Variants in ADAMTS16 observed in about 807,000 individuals in gnomAD.
ADAMTS16 encodes ADAM metallopeptidase with thrombospondin type 1 motif 16, also known as A disintegrin and metalloproteinase with thrombospondin motifs 16.
ADAMTS16 carries 94 observed loss-of-function variants against 145.8 expected under a neutral mutation model. The observed-to-expected ratio is 0.64, with a 90% CI of 0.55 to 0.77. ADAMTS16 has a LOEUF of 0.77. Ranked by LOEUF, ADAMTS16 falls within the 30% of genes least tolerant of loss-of-function variation. The pLI is 0.00. For missense variants in ADAMTS16, 1,585 were observed against 1,591.5 expected, an observed-to-expected ratio of 1.00 and a Z score of 0.07; for synonymous variants, 659 against 604.3, an observed-to-expected ratio of 1.09 and a Z score of -1.33.
At chr5:5,155,821 C>T (rs1036416408) in intron 3 of ADAMTS16, among the ~76,000 whole-genome samples, 4 of 151,912 alleles carry the variant, frequency 2.6e-5, no homozygotes, top group Non-Finnish European at 5.9e-5. Flanking sequence ...AGAAAGTCCA[C>T]AGGAGCTGAC....
At chr5:5,257,827 C>T (rs192364322) in intron 17 of ADAMTS16, among the ~76,000 whole-genome samples, 218 of 152,298 alleles carry the variant, frequency 1.4e-3, no homozygotes, top group Middle Eastern at 3.4e-3. Flanking sequence ...TTCCTCCCCT[C>T]AGATGCCAGT....
At chr5:5,282,082 C>G (rs1160573882) in intron 18 of ADAMTS16, among the ~76,000 whole-genome samples, 1 of 151,012 alleles carries the variant, frequency 6.6e-6, no homozygotes. Context: ...GCCTCCGACC[C>G]TCATGAGTGG....
intron 3 of ADAMTS16, among the ~76,000 whole-genome samples, chr5:5,180,134 C>T (rs916189580): frequency 6.6e-6 from 1 of 152,154 alleles, no homozygotes; most frequent in African/African-American, 2.4e-5. Flanking sequence ...AAGTAAGAAT[C>T]AGACCCAGGC....
chr5:5,295,204 T>C (rs1739483277), intron 18 of ADAMTS16, among the ~76,000 whole-genome samples: 1 of 152,340 alleles, frequency 6.6e-6, no homozygotes, highest in South Asian at 2.1e-4. Context: ...TAAAGAAGGA[T>C]GAAACTTGTC....
intron 18 of ADAMTS16, among the ~76,000 whole-genome samples, chr5:5,276,887 A>AG (rs397936560): frequency 4.0e-4 from 61 of 151,738 alleles, no homozygotes; most frequent in African/African-American, 1.4e-3. Flanking sequence ...GAAAAAAAAA[A>AG]TCTTCATTAA....
At chr5:5,318,917 G>A (rs555901712) in intron 22 of ADAMTS16, 106 bp from the exon 23 acceptor site, 33 of 799,796 alleles carry the variant, frequency 4.1e-5, no homozygotes, top group South Asian at 1.6e-4. Flanking sequence ...TGCAGCAGCC[G>A]CAGAGCGTGA....
At chr5:5,257,369 C>A (rs1430060358) in intron 17 of ADAMTS16, among the ~76,000 whole-genome samples, 2 of 152,124 alleles carry the variant, frequency 1.3e-5, no homozygotes, top group African/African-American at 2.4e-5. Context: ...GAAATTATAA[C>A]AATGAATAAC....
intron 18 of ADAMTS16, among the ~76,000 whole-genome samples, chr5:5,271,619 C>T (rs145878167): frequency 1.3e-5 from 2 of 152,326 alleles, no homozygotes; most frequent in Non-Finnish European, 2.9e-5. Context: ...CTCTTCGGGT[C>T]ATTCATCTTA....
At chr5:5,230,126 G>C (rs1289094850) in intron 11 of ADAMTS16, among the ~76,000 whole-genome samples, 1 of 152,130 alleles carries the variant, frequency 6.6e-6, no homozygotes. Context: ...CCCAGGGGAC[G>C]TGTTCAATGG....
intron 13 of ADAMTS16, 97 bp from the exon 14 acceptor site, chr5:5,236,872 T>C (rs947826151): frequency 4.9e-6 from 7 of 1,437,048 alleles, no homozygotes; most frequent in African/African-American, 1.4e-5. Context: ...AGTTATTTTA[T>C]GGGGGAAGAA....
At chr5:5,217,411 G>C (rs995493115) in intron 10 of ADAMTS16, among the ~76,000 whole-genome samples, 12 of 152,306 alleles carry the variant, frequency 7.9e-5, no homozygotes, top group Admixed American at 7.2e-4. Context: ...AGAGTGAACA[G>C]GTCATGAAAT....
rs75750572 is a variant in ADAMTS16 at position 5,177,613 on chromosome 5, G to A, written c.502-4431G>A. Among the ~76,000 whole-genome samples, 938 of 151,456 alleles carry A rather than the reference G, an allele frequency of 6.2e-3. 17 individuals carry two copies. Among genetic ancestry groups the A allele is most frequent in the East Asian group, 0.028 (144 of 5,128 alleles). On this transcript the variant is annotated intron_variant, in intron 3 of 22. Coordinates refer to ENST00000274181, the MANE Select transcript of ADAMTS16 (RefSeq NM_139056.4). ...TGGCTTTTGGTGTAGATTCATATTTGGCTCTGAGGTTATAAGAAAATAAAA... is the reference window on the plus strand; with the variant it reads ...TGGCTTTTGGTGTAGATTCATATTTAGCTCTGAGGTTATAAGAAAATAAAA...
At chr5:5,234,828 C>T (rs1402818962) in intron 12 of ADAMTS16, among the ~76,000 whole-genome samples, 186 bp from the exon 13 acceptor site, 1 of 141,658 alleles carries the variant, frequency 7.1e-6, no homozygotes, top group African/African-American at 2.6e-5. Context: ...CGAGATCACA[C>T]TACTACACTC....
rs770920283 is a variant in ADAMTS16, at chr5:5,146,462, A to G, written c.501+7A>G. On this transcript the variant is annotated splice_region_variant and intron_variant, in intron 3 of 22. Coordinates refer to ENST00000274181, the MANE Select transcript of ADAMTS16 (RefSeq NM_139056.4). ...TTCAACCTGCCAAGGCTTGGTGAGT[A>G]CAGCGCAAGCCCCAGGTAGGGAGGC... 3 of 1,597,480 alleles carry G rather than the reference A, an allele frequency of 1.9e-6. No homozygotes were observed. Among genetic ancestry groups the G allele is most frequent in the Non-Finnish European group, 8.5e-7 (1 of 1,174,862 alleles).
At chr5:5,201,123 A>C (rs1348628847) in intron 9 of ADAMTS16, among the ~76,000 whole-genome samples, 2 of 152,174 alleles carry the variant, frequency 1.3e-5, no homozygotes, top group Non-Finnish European at 2.9e-5. Flanking sequence ...CCATCCTGTG[A>C]CCTTTCCTCT....
In ADAMTS16 at chr5:5,200,280, T is replaced by C. The variant is rs1172968354; in HGVS notation, c.1451+11T>C. On this transcript the variant is annotated intron_variant, in intron 9 of 22. Coordinates refer to ENST00000274181, the MANE Select transcript of ADAMTS16 (RefSeq NM_139056.4). ...ACACAAATTTCTAAGGTAGGAACTC[T>C]TTAAGCTGGTCTTGTGATCTTTCGG... is the stretch of plus-strand genomic sequence containing the variant. The C allele has an allele frequency of 6.2e-7, 1 of 1,613,654 alleles. No homozygotes were observed. The highest frequency in any genetic ancestry group is 8.5e-7 in the Non-Finnish European group (1 of 1,179,768).
At chr5:5,160,915 G>A (rs1057389291) in intron 3 of ADAMTS16, among the ~76,000 whole-genome samples, 8 of 152,106 alleles carry the variant, frequency 5.3e-5, no homozygotes, top group Non-Finnish European at 1.2e-4. Flanking sequence ...CACAGTGTTC[G>A]ATAGATTTGG....
intron 18 of ADAMTS16, among the ~76,000 whole-genome samples, chr5:5,265,423 T>A (rs965311840): frequency 3.9e-5 from 6 of 152,052 alleles, no homozygotes; most frequent in African/African-American, 1.2e-4. Flanking sequence ...CCTTGTGGAA[T>A]CTCGGTTTGC....
At chr5:5,303,787 G>T in intron 20 of ADAMTS16, 21 bp downstream of exon 20, 1 of 1,608,510 alleles carries the variant, frequency 6.2e-7, no homozygotes, top group Non-Finnish European at 8.5e-7. Flanking sequence ...TGGTCTCGCG[G>T]GAGCGAGGTT....
Sources: allele counts gnomAD v4.1 joint callset (sites outside exome capture counted in the v4.1 genomes callset), GRCh38; gene constraint gnomAD v4.1.1; transcripts MANE v1.5; gene names NCBI Gene and HGNC (gene_info 2026-07-23, HGNC 2026-07-21).